CFAP299: variants seen among roughly 807,000 people sequenced by gnomAD.
CFAP299 encodes cilia- and flagella-associated protein 299.
Under a neutral mutation model 27.0 loss-of-function variants are expected in CFAP299, and 21 were observed. The ratio of observed to expected loss-of-function variants is 0.78; its 90% confidence interval spans 0.55 to 1.12. CFAP299 has a LOEUF of 1.12. Among genes scored for constraint, CFAP299 ranks in the 50% most tolerant of loss-of-function variants. The pLI, the probability that CFAP299 is intolerant of heterozygous loss-of-function variation, is 0.00. For synonymous variants in CFAP299, 104 were observed against 98.1 expected, an observed-to-expected ratio of 1.06 and a Z score of -0.36; for missense variants, 310 against 276.6, an observed-to-expected ratio of 1.12 and a Z score of -0.86.
At chr4:80,755,924 T>C (rs575604429) in intron 3 of CFAP299, among the ~76,000 whole-genome samples, 108 of 152,262 alleles carry the variant, frequency 7.1e-4, no homozygotes, top group Non-Finnish European at 1.2e-3. Flanking sequence ...AGAGCTATAA[T>C]ATGTGGACTT....
chr4:80,501,715 C>T (rs1157778093), intron 2 of CFAP299, among the ~76,000 whole-genome samples: 1 of 151,484 alleles, frequency 6.6e-6, no homozygotes, highest in Admixed American at 6.6e-5. Flanking sequence ...AAAAAAGTTT[C>T]TACAGTATTC....
At chr4:80,758,726 C>T (rs1725392493) in intron 3 of CFAP299, among the ~76,000 whole-genome samples, 1 of 152,116 alleles carries the variant, frequency 6.6e-6, no homozygotes, top group Non-Finnish European at 1.5e-5. Flanking sequence ...GATATATCAG[C>T]ATTTCCCTTC....
Position 80,711,326 on chromosome 4 carries a change from C to G in CFAP299, c.333+128143C>G, listed in dbSNP as rs1470143893. Among the ~76,000 whole-genome samples, 6 of 152,236 alleles carry G rather than the reference C, an allele frequency of 3.9e-5. No individual in the cohort carries two copies. The Middle Eastern group carries it at 0.014, about 345-fold the overall frequency. ...GTGGGTGAGCTGCTCAGAGGAGCCA[C>G]AGAGCTGGAGCAGACAGCTGAGACA... is the stretch of plus-strand genomic sequence containing the variant. On this transcript the variant is annotated intron_variant, in intron 3 of 5. Transcript: ENST00000358105.
intron 2 of CFAP299, among the ~76,000 whole-genome samples, chr4:80,458,441 T>A (rs1297005622): frequency 6.6e-6 from 1 of 152,112 alleles, no homozygotes; most frequent in Non-Finnish European, 1.5e-5. Context: ...TTTTAACTTT[T>A]AAAAAAATCT....
chr4:80,499,835 C>T (rs577231051), intron 2 of CFAP299, among the ~76,000 whole-genome samples: 105 of 152,114 alleles, frequency 6.9e-4, no homozygotes, highest in South Asian at 1.7e-3. Context: ...CTCTAAAGTA[C>T]GGTAGCAAAA....
intron 3 of CFAP299, among the ~76,000 whole-genome samples, chr4:80,767,300 CTCTT>C (rs556345318): frequency 6.6e-6 from 1 of 152,254 alleles, no homozygotes; most frequent in South Asian, 2.1e-4. Context: ...AATACAATCT[CTCTT>C]TCTCCTCAAA....
At chr4:80,846,801 T>A (rs1433107200) in intron 3 of CFAP299, among the ~76,000 whole-genome samples, 1 of 152,146 alleles carries the variant, frequency 6.6e-6, no homozygotes, top group Non-Finnish European at 1.5e-5. Flanking sequence ...ATCTCTGATT[T>A]TTTAGTCTTT....
At position 80,424,005 on chromosome 4, in the gene CFAP299, T is replaced by C. The variant is rs575837246; in HGVS notation, c.242+61121T>C. 3.3e-5 allele frequency among the ~76,000 whole-genome samples: 5 copies of C among 152,326 alleles called. No homozygotes were observed. In the East Asian group the frequency reaches 9.7e-4, roughly 29 times the overall value. ...TTCCGGGTGGCCATGCCCCAGACTG[T>C]CCAAGAACTTTAGAGATCATTGCTC... On this transcript the variant is annotated intron_variant, in intron 2 of 5. Transcript: ENST00000358105.
intron 2 of CFAP299, among the ~76,000 whole-genome samples, chr4:80,531,901 G>A (rs1211021580): frequency 6.6e-6 from 1 of 151,942 alleles, no homozygotes; most frequent in Non-Finnish European, 1.5e-5. Flanking sequence ...TTACAGTCAT[G>A]CACCACCATG....
At chr4:80,490,926 ATG>A (rs917057228) in intron 2 of CFAP299, among the ~76,000 whole-genome samples, 15 of 151,846 alleles carry the variant, frequency 9.9e-5, no homozygotes, top group Non-Finnish European at 1.8e-4. Flanking sequence ...GAACAGGATT[ATG>A]TGTGTGTGTG....
At chr4:80,588,313 A>G (rs2109880565) in intron 3 of CFAP299, among the ~76,000 whole-genome samples, 1 of 151,004 alleles carries the variant, frequency 6.6e-6, no homozygotes, top group East Asian at 1.9e-4. Flanking sequence ...TGCCTGGGAA[A>G]TGAGATCTAA....
chr4:80,694,588 AGTT>A (rs1720970924), intron 3 of CFAP299, among the ~76,000 whole-genome samples: 1 of 152,172 alleles, frequency 6.6e-6, no homozygotes, highest in South Asian at 2.1e-4. Flanking sequence ...TTATGAATTC[AGTT>A]GTTATTTGCT....
At chr4:80,621,624 T>C (rs1560661170) in intron 3 of CFAP299, among the ~76,000 whole-genome samples, 1 of 152,102 alleles carries the variant, frequency 6.6e-6, no homozygotes, top group Non-Finnish European at 1.5e-5. Flanking sequence ...ATTCCAGATA[T>C]TGAAAATCCT....
intron 2 of CFAP299, among the ~76,000 whole-genome samples, chr4:80,442,850 G>T (rs1300060493): frequency 6.6e-6 from 1 of 152,076 alleles, no homozygotes; most frequent in East Asian, 1.9e-4. Context: ...AAAAGATAAA[G>T]GGGAGATCAC....
intron 3 of CFAP299, among the ~76,000 whole-genome samples, chr4:80,739,795 TTAA>T (rs1724146278): frequency 6.6e-6 from 1 of 152,066 alleles, no homozygotes; most frequent in African/African-American, 2.4e-5. Flanking sequence ...TCTCTCCTCA[TTAA>T]GGCCAGGAAC....
At chr4:80,893,402 C>T (rs1013281656) in intron 4 of CFAP299, among the ~76,000 whole-genome samples, 97 of 151,732 alleles carry the variant, frequency 6.4e-4, no homozygotes, top group African/African-American at 2.2e-3. Flanking sequence ...CTATGAAAAA[C>T]GTCAAATACC....
At chr4:80,665,272 T>TCAAAGTTC (rs750316216) in intron 3 of CFAP299, among the ~76,000 whole-genome samples, 204 of 152,352 alleles carry the variant, frequency 1.3e-3, no homozygotes, top group Middle Eastern at 0.01. Context: ...ATTTTCCTTT[T>TCAAAGTTC]CAAAGTTCCA....
At chr4:80,912,598 A>C (rs1370468637) in intron 4 of CFAP299, among the ~76,000 whole-genome samples, 1 of 152,160 alleles carries the variant, frequency 6.6e-6, no homozygotes, top group African/African-American at 2.4e-5. Flanking sequence ...CGGACCACAG[A>C]CAAGGGAGAG....
intron 2 of CFAP299, among the ~76,000 whole-genome samples, chr4:80,420,725 C>T (rs1727252073): frequency 6.6e-6 from 1 of 152,126 alleles, no homozygotes; most frequent in African/African-American, 2.4e-5. Flanking sequence ...TGTCTGTTCA[C>T]TTTATTAATT....
Sources: gnomAD v4.1 joint callset for allele counts (sites outside exome capture counted in the v4.1 genomes callset) on GRCh38, gnomAD v4.1.1 for gene constraint, MANE v1.5 for transcripts, NCBI Gene and HGNC (gene_info 2026-07-23, HGNC 2026-07-21) for gene names.